GPR89A: variants seen among roughly 807,000 people sequenced by gnomAD.
The protein encoded by GPR89A is golgi pH regulator A.
Under a neutral mutation model 52.0 loss-of-function variants are expected in GPR89A, and 16 were observed. The observed-to-expected ratio is 0.31, with a 90% CI of 0.21 to 0.47. The LOEUF (loss-of-function observed/expected upper bound fraction) is 0.47. Among genes scored for constraint, GPR89A ranks in the 20% least tolerant of loss-of-function variants. GPR89A has a pLI of 1.00. For synonymous variants in GPR89A, 55 were observed against 150.9 expected (o/e 0.36, Z 4.66); for missense variants, 135 against 449.4 (o/e 0.30, Z 6.33).
intron 7 of GPR89A, among the ~76,000 whole-genome samples, chr1:145,635,948 A>G (rs1473851760): frequency 6.6e-6 from 1 of 151,352 alleles, no homozygotes; most frequent in Non-Finnish European, 1.5e-5. Flanking sequence ...GCAGAACGAG[A>G]CTCTGTCTCA....
At chr1:145,612,503 A>G (rs1187323897) in intron 1 of GPR89A, among the ~76,000 whole-genome samples, 7 of 152,206 alleles carry the variant, frequency 4.6e-5, no homozygotes, top group African/African-American at 1.7e-4. Flanking sequence ...GAGTCAAACA[A>G]GCTTGAGTTC....
chr1:145,621,332 TAC>T (rs1307276422), intron 3 of GPR89A, among the ~76,000 whole-genome samples: 1 of 150,324 alleles, frequency 6.7e-6, no homozygotes. Context: ...TTTATTTTCT[TAC>T]AGACATGATG....
chr1:145,619,844 T>A (rs1306562291), intron 3 of GPR89A, among the ~76,000 whole-genome samples: 2 of 152,046 alleles, frequency 1.3e-5, no homozygotes, highest in Non-Finnish European at 2.9e-5. Context: ...TGAAACCCCG[T>A]CTCTACTAAA....
At chr1:145,611,480 G>C (rs1648276493) in intron 1 of GPR89A, 1 of 152,068 alleles carries the variant, frequency 6.6e-6, no homozygotes, top group Non-Finnish European at 1.5e-5. Context: ...TGCTTAGGAT[G>C]ATGGCCTCTA....
In GPR89A at chr1:145,628,399, A is replaced by C. The variant is rs147812299; in HGVS notation, c.416-2288A>C. ...TTAAACAAAAATGATTCAATGTCAT[A>C]AAAGAGCCAATGAAACAAGGATTGG... is the stretch of plus-strand genomic sequence containing the variant. On this transcript the variant is annotated intron_variant, in intron 5 of 13. Coordinates refer to ENST00000313835, the MANE Select transcript of GPR89A (RefSeq NM_001097612.2). Among the ~76,000 whole-genome samples the C allele has an allele frequency of 4.9e-3, 745 of 152,264 alleles. 8 individuals carry two copies. The highest frequency in any genetic ancestry group is 0.017 in the African/African-American group (701 of 41,548).
intron 1 of GPR89A, among the ~76,000 whole-genome samples, chr1:145,611,960 T>C (rs1553686224): frequency 6.6e-6 from 1 of 152,104 alleles, no homozygotes; most frequent in African/African-American, 2.4e-5. Flanking sequence ...TTCATGTATA[T>C]ATAAGTCCAC....
At chr1:145,655,330 G>A (rs1394445573) in intron 10 of GPR89A, among the ~76,000 whole-genome samples, 4 of 151,786 alleles carry the variant, frequency 2.6e-5, no homozygotes, top group Admixed American at 2.0e-4. Flanking sequence ...CCTCAGCCCA[G>A]TTCTGTGCCC....
chr1:145,608,222 G>A (rs1647944981), intron 1 of GPR89A, 47 bp downstream of exon 1: 1 of 1,612,662 alleles, frequency 6.2e-7, no homozygotes. Flanking sequence ...TCCCTTTACC[G>A]AATCGCCCTC....
intron 13 of GPR89A, 51 bp downstream of exon 13, chr1:145,669,741 G>A (rs1217205416): frequency 9.3e-6 from 15 of 1,610,296 alleles, no homozygotes; most frequent in African/African-American, 1.3e-5. Flanking sequence ...TATCAGAAAT[G>A]TGCTTGATAC....
chr1:145,666,354 C>T (rs1652548845), intron 12 of GPR89A, among the ~76,000 whole-genome samples: 1 of 150,406 alleles, frequency 6.6e-6, no homozygotes, highest in African/African-American at 2.4e-5. Flanking sequence ...TATAGCAAGT[C>T]CTTAATGTCA....
At chr1:145,663,216 G>C in intron 10 of GPR89A, 113 bp from the exon 11 acceptor site, 1 of 1,571,034 alleles carries the variant, frequency 6.4e-7, no homozygotes, top group Non-Finnish European at 8.6e-7. Context: ...TGCATTTTTA[G>C]GAACATTGAC....
At chr1:145,653,045 C>G (rs1313400332) in intron 10 of GPR89A, among the ~76,000 whole-genome samples, 5 of 143,376 alleles carry the variant, frequency 3.5e-5, no homozygotes, top group Admixed American at 3.5e-4. Context: ...TCTTGGTTCT[C>G]TAGTTCTTTT....
chr1:145,617,230 T>C (rs1311535636), intron 2 of GPR89A, among the ~76,000 whole-genome samples: 10 of 152,182 alleles, frequency 6.6e-5, no homozygotes, highest in Non-Finnish European at 1.5e-4. Flanking sequence ...GGAAAAAGAA[T>C]TCAGCAGTAT....
chr1:145,616,372 A>G, intron 2 of GPR89A, 79 bp downstream of exon 2: 3 of 1,160,666 alleles, frequency 2.6e-6, no homozygotes, highest in Admixed American at 4.1e-5. Context: ...AAGAAACATT[A>G]TGTTCATTTC....
chr1:145,667,874 A>G (rs1652682497), intron 12 of GPR89A, among the ~76,000 whole-genome samples: 1 of 152,112 alleles, frequency 6.6e-6, no homozygotes, highest in South Asian at 2.1e-4. Flanking sequence ...CAAAGAGCAG[A>G]TGGTTGTAGA....
At chr1:145,646,495 A>G (rs1410748553) in intron 9 of GPR89A, 1 of 500,424 alleles carries the variant, frequency 2.0e-6, no homozygotes, top group Non-Finnish European at 3.6e-6. Flanking sequence ...AATTGGTGGG[A>G]TAGTCAGAAG....
intron 12 of GPR89A, among the ~76,000 whole-genome samples, chr1:145,666,035 T>G (rs2101845268): frequency 7.2e-6 from 1 of 139,798 alleles, no homozygotes; most frequent in Admixed American, 7.4e-5. Context: ...TTTTACCTCA[T>G]TAAGAATTCT....
intron 10 of GPR89A, among the ~76,000 whole-genome samples, chr1:145,661,899 G>A: frequency 6.7e-6 from 1 of 149,600 alleles, no homozygotes; most frequent in Admixed American, 6.8e-5. Context: ...TTGATTCATG[G>A]GTGATTTAGA....
At chr1:145,627,096 CTG>C (rs1368808323) in intron 5 of GPR89A, among the ~76,000 whole-genome samples, 4 of 151,646 alleles carry the variant, frequency 2.6e-5, no homozygotes, top group Non-Finnish European at 5.9e-5. Flanking sequence ...TGTAAGGAAT[CTG>C]TGTGAGCAGG....
Sources: gnomAD v4.1 joint callset for allele counts (sites outside exome capture counted in the v4.1 genomes callset) on GRCh38, gnomAD v4.1.1 for gene constraint, MANE v1.5 for transcripts, NCBI Gene and HGNC (gene_info 2026-07-23, HGNC 2026-07-21) for gene names.